Variants in F10 observed in about 807,000 individuals in gnomAD.
The protein encoded by F10 is Stuart-Prower factor.
Under a neutral mutation model 37.1 loss-of-function variants are expected in F10, and 29 were observed. That is an observed-to-expected ratio of 0.78 (90% confidence interval 0.58 to 1.07). The LOEUF (loss-of-function observed/expected upper bound fraction) is 1.07. F10 is among the 50% of genes least tolerant of loss of function. The probability of loss-of-function intolerance (pLI) is 0.00; values close to 1 mark genes in which losing one functional copy is unlikely to be tolerated. For missense variants in F10, 539 were observed against 667.9 expected, an observed-to-expected ratio of 0.81 and a Z score of 2.13; for synonymous variants, 262 against 268.6, an observed-to-expected ratio of 0.98 and a Z score of 0.24.
intron 5 of F10, among the ~76,000 whole-genome samples, chr13:113,142,907 G>A (rs977716367): frequency 6.6e-6 from 1 of 152,058 alleles, no homozygotes; most frequent in African/African-American, 2.4e-5. Flanking sequence ...ACTCCAGCCT[G>A]GGAGACAAGA....
intron 7 of F10, among the ~76,000 whole-genome samples, chr13:113,148,546 C>A (rs2036607093): frequency 6.6e-6 from 1 of 151,966 alleles, no homozygotes; most frequent in Non-Finnish European, 1.5e-5. Context: ...ACGTTCATGG[C>A]ACAACTATTT....
rs141453135 is a variant in F10 at position 113,143,354 on chromosome 13, T to G, written c.503-497T>G. ...CCAGTTGTTTGCGTGCGCCATTCCT[T>G]CTGCCTGAAAACTTTTTTTTCTTCA... On this transcript the variant is annotated intron_variant, in intron 5 of 7. Coordinates refer to ENST00000375559, the MANE Select transcript of F10 (RefSeq NM_000504.4). This position sits in a 1 kb window ranked among gnomAD's most constrained non-coding sequence, Gnocchi z 6.8. 1.2e-4 allele frequency among the ~76,000 whole-genome samples: 19 copies of G among 152,306 alleles called. No homozygotes were observed. In the East Asian group the frequency reaches 3.7e-3, roughly 29 times the overall value.
chr13:113,122,994 A>AC, intron 1 of F10, 69 bp downstream of exon 1: 2 of 1,541,010 alleles, frequency 1.3e-6, no homozygotes, highest in Non-Finnish European at 1.8e-6. Flanking sequence ...AGTTGGGGAA[A>AC]CCCTCTCATC....
At position 113,146,491 on chromosome 13, in the gene F10, G is replaced by A. The variant is rs1162370783; in HGVS notation, c.748-888G>A. ...GCCCTCGCCCAGCCTGTTGAGGTTT[G>A]CGATTCTTGTTTCCTGGTTCGAGTC... On this transcript the variant is annotated intron_variant, in intron 6 of 7. Coordinates refer to ENST00000375559, the MANE Select transcript of F10 (RefSeq NM_000504.4). The surrounding 1 kb of genome is among the most constrained non-coding windows in gnomAD (Gnocchi z 4.5). Among the ~76,000 whole-genome samples, 1 of 152,216 alleles carries A rather than the reference G, an allele frequency of 6.6e-6. No homozygotes were observed. Among genetic ancestry groups the A allele is most frequent in the Non-Finnish European group, 1.5e-5 (1 of 68,040 alleles).
rs763603448 is a variant in F10, at chr13:113,135,244, CA to C, written c.232-3200del. On this transcript the variant is annotated intron_variant, in intron 2 of 7. Coordinates refer to ENST00000375559, the MANE Select transcript of F10 (RefSeq NM_000504.4). ...GGCAACAAGAGCGAAACTCTGTCTC[CA>C]AAAAAAAAAAAACAAAAGAAAAGAA... 1.3e-3 allele frequency among the ~76,000 whole-genome samples: 147 copies of C among 114,774 alleles called. 1 individual carries two copies. Among genetic ancestry groups the C allele is most frequent in the South Asian group, 4.8e-3 (17 of 3,524 alleles). 75.3% of individuals were successfully genotyped at this position (114,774 alleles called of 152,430 possible).
In F10 at chr13:113,149,317, C is replaced by T; in HGVS notation, c.1267C>T (p.His423Tyr). The T allele has an allele frequency of 6.2e-7, 1 of 1,613,270 alleles. No individual in the cohort carries two copies. The highest frequency in any genetic ancestry group is 8.5e-7 in the Non-Finnish European group (1 of 1,180,038). Reference protein sequence around the residue: ...DACQGDSGGPHVTRFKDTYFV... With the variant: ...DACQGDSGGPYVTRFKDTYFV... Reference sequence around the variant, plus strand: ...CTGCCAGGGGGACAGCGGGGGCCCGCACGTCACCCGCTTCAAGGACACCTA... The same window carrying T: ...CTGCCAGGGGGACAGCGGGGGCCCGTACGTCACCCGCTTCAAGGACACCTA... The change falls in exon 8 of 8, where the codon CAC (histidine) becomes TAC (tyrosine). Residue 423 changes from histidine to tyrosine, a missense_variant. His to Tyr is a moderately conservative substitution (Grantham distance 83). Around this residue, in one of 2 missense-constraint regions of F10, gnomAD observed 409 missense variants for 547.9 expected, o/e 0.75. Coordinates refer to ENST00000375559, the MANE Select transcript of F10 (RefSeq NM_000504.4). The surrounding 1 kb of genome is among the most constrained non-coding windows in gnomAD (Gnocchi z 7.5).
Position 113,122,824 on chromosome 13 carries a change from G to A in F10, c.-32G>A. The A allele has an allele frequency of 2.5e-6, 4 of 1,606,224 alleles. No individual in the cohort carries two copies. Among genetic ancestry groups the A allele is most frequent in the Non-Finnish European group, 3.4e-6 (4 of 1,178,808 alleles). On this transcript the variant is annotated 5_prime_UTR_variant, in exon 1 of 8. The change creates a new upstream start codon in the 5' untranslated region. Coordinates refer to ENST00000375559, the MANE Select transcript of F10 (RefSeq NM_000504.4). ...GACTTTGCTCCAGCAGCCTGTCCCA[G>A]TGAGGACAGGGACACAGTACTCGGC...
At chr13:113,137,365 G>A (rs1289625806) in intron 2 of F10, among the ~76,000 whole-genome samples, 1 of 152,044 alleles carries the variant, frequency 6.6e-6, no homozygotes, top group Non-Finnish European at 1.5e-5. Flanking sequence ...TGGGGGAGAT[G>A]GCATGGGGTA....
chr13:113,127,628 A>C (rs776905), intron 1 of F10, among the ~76,000 whole-genome samples: 13,412 of 152,266 alleles, frequency 0.088, 713 homozygotes, highest in South Asian at 0.18. Flanking sequence ...CTCATTTGCC[A>C]GTCATGAAAT....
In F10 at chr13:113,139,814, T is replaced by C. The variant is rs770489350; in HGVS notation, c.370+344T>C. On this transcript the variant is annotated intron_variant, in intron 4 of 7. Coordinates refer to ENST00000375559, the MANE Select transcript of F10 (RefSeq NM_000504.4). The surrounding 1 kb of genome is among the most constrained non-coding windows in gnomAD (Gnocchi z 5.2). ...TGGGGCCAAGTGCATTGCCCTGTTA[T>C]TCCTGCTCCTTGTGACCCTGTGCAG... 7.2e-5 allele frequency among the ~76,000 whole-genome samples: 11 copies of C among 152,150 alleles called. No homozygotes were observed. Among genetic ancestry groups the C allele is most frequent in the Non-Finnish European group, 1.3e-4 (9 of 68,032 alleles).
In F10 at chr13:113,142,861, G is replaced by A. The variant is rs537636930; in HGVS notation, c.503-990G>A. Among the ~76,000 whole-genome samples the A allele has an allele frequency of 1.9e-3, 286 of 152,220 alleles. 1 individual carries two copies. The highest frequency in any genetic ancestry group is 6.7e-3 in the African/African-American group (278 of 41,530). The stretch of plus-strand genomic sequence containing the variant: ...GCAGGAGAATCGCCTGAACCCAGGA[G>A]GTGGAGGTTGCAATGAGCCAAGATC... On this transcript the variant is annotated intron_variant, in intron 5 of 7. Transcript: ENST00000375559.
chr13:113,129,353 C>G (rs1419562386), intron 1 of F10, 99 bp from the exon 2 acceptor site: 40 of 1,478,808 alleles, frequency 2.7e-5, no homozygotes, highest in Middle Eastern at 2.4e-4. Context: ...CTTTTGTGAT[C>G]TGGATATGGC....
intron 1 of F10, among the ~76,000 whole-genome samples, chr13:113,124,497 A>G (rs974946832): frequency 1.3e-5 from 2 of 152,252 alleles, no homozygotes; most frequent in African/African-American, 4.8e-5. Context: ...AGCCCCGGAG[A>G]GCCAGGGCCA....
chr13:113,138,542 G>C (rs2036499568), intron 3 of F10, 61 bp downstream of exon 3: 9 of 1,061,934 alleles, frequency 8.5e-6, no homozygotes, highest in Non-Finnish European at 1.3e-5. Context: ...TTTGAATTTT[G>C]AAAATAGTTC....
intron 7 of F10, 93 bp from the exon 8 acceptor site, chr13:113,148,823 T>G: frequency 6.6e-7 from 1 of 1,526,504 alleles, no homozygotes; most frequent in Admixed American, 2.2e-5. Flanking sequence ...CATTTTTAAT[T>G]TAAAAAAATA....
At chr13:113,136,633 CTTTTTTTTTTTTT>C (rs1170291536) in intron 2 of F10, among the ~76,000 whole-genome samples, 1 of 6,020 alleles carries the variant, frequency 1.7e-4, no homozygotes, top group South Asian at 0.014. Flanking sequence ...AATTCTTGTA[CTTTTTTTTTTTTT>C]TTTTTTTTTT....
At chr13:113,142,426 T>C (rs1442338127) in intron 5 of F10, among the ~76,000 whole-genome samples, 3 of 148,232 alleles carry the variant, frequency 2.0e-5, no homozygotes, top group Non-Finnish European at 4.5e-5. Context: ...GGTGCACGCC[T>C]GTAGTCCCAG....
rs193300240 is a variant in F10, at chr13:113,141,328, T to G, written c.502+278T>G. 2.6e-5 allele frequency among the ~76,000 whole-genome samples: 4 copies of G among 152,344 alleles called. No individual in the cohort carries two copies. The highest frequency in any genetic ancestry group is 6.5e-5 in the Admixed American group (1 of 15,310). Reference sequence around the variant, plus strand: ...AATGGGACCAACACTATTGCCTGACTGCTTGGGTGATCCCTGGAGCACTTT... The same window carrying G: ...AATGGGACCAACACTATTGCCTGACGGCTTGGGTGATCCCTGGAGCACTTT... On this transcript the variant is annotated intron_variant, in intron 5 of 7. Transcript: ENST00000375559. The surrounding 1 kb of genome is among the most constrained non-coding windows in gnomAD (Gnocchi z 5.4).
intron 4 of F10, chr13:113,140,697 G>A: frequency 1.4e-6 from 1 of 712,076 alleles, no homozygotes. Context: ...GCAGGTACCT[G>A]GAGCCTGGCT....
Sources: gnomAD v4.1 joint callset for allele counts (sites outside exome capture counted in the v4.1 genomes callset) on GRCh38, gnomAD v4.1.1 for gene constraint, gnomAD v4.1.1 regional missense constraint, Gnocchi (gnomAD v3.1) non-coding constraint, MANE v1.5 for transcripts, NCBI Gene and HGNC (gene_info 2026-07-23, HGNC 2026-07-21) for gene names.